The following TMEM135 variants were observed in gnomAD, a reference collection of about 807,000 sequenced individuals.
The protein encoded by TMEM135 is peroxisomal membrane protein 52.
In TMEM135, 30 loss-of-function variants were observed where a neutral mutation model predicts 60.3. The observed-to-expected ratio is 0.50, with a 90% CI of 0.37 to 0.68. TMEM135 has a LOEUF of 0.68. TMEM135 is among the 30% of genes least tolerant of loss of function. TMEM135 has a pLI of 0.00. For missense variants in TMEM135, 468 were observed against 548.8 expected (o/e 0.85, Z 1.47); for synonymous variants, 190 against 186.7 (o/e 1.02, Z -0.14).
At position 87,305,936 on chromosome 11, in the gene TMEM135, A is replaced by G. The variant is rs568746924; in HGVS notation, c.699A>G (p.Ile233Met). ...TTAATTTTTTTGGGTTCAATTTCAG[A>G]TGCAAACATGGACCAAGGCATAGAT... is the stretch of plus-strand genomic sequence containing the variant. ...IGLVRKFVDS[I>M]CKHGPRHRCC... Residue 233 changes from isoleucine (I) to methionine (M), a missense_variant and splice_region_variant, in exon 9 of 15, where the codon ATA becomes ATG. Ile to Met is a conservative substitution (Grantham distance 10). Transcript: ENST00000305494. 16 of 1,603,796 alleles carry G rather than the reference A, an allele frequency of 1.0e-5. No individual in the cohort carries two copies. In the African/African-American group the frequency reaches 1.2e-4, roughly 12 times the overall value.
chr11:87,299,311 T>G (rs1020445164), intron 7 of TMEM135, among the ~76,000 whole-genome samples: 5 of 152,284 alleles, frequency 3.3e-5, no homozygotes, highest in East Asian at 1.9e-4. Flanking sequence ...GAAGCAGGCT[T>G]CTTCTTCACA....
At chr11:87,248,747 C>T (rs576497839) in intron 6 of TMEM135, among the ~76,000 whole-genome samples, 44 of 152,144 alleles carry the variant, frequency 2.9e-4, no homozygotes, top group African/African-American at 9.9e-4. Context: ...AATCTATGAA[C>T]ATGGAAATCT....
intron 6 of TMEM135, among the ~76,000 whole-genome samples, chr11:87,290,028 A>G (rs565222108): frequency 2.6e-5 from 4 of 152,050 alleles, no homozygotes; most frequent in Non-Finnish European, 5.9e-5. Context: ...CCTAGGATGT[A>G]TAGTTTGTAA....
intron 4 of TMEM135, among the ~76,000 whole-genome samples, chr11:87,150,215 C>CAAAAAAAAAA (rs200067307): frequency 7.3e-5 from 8 of 109,874 alleles, no homozygotes; most frequent in Non-Finnish European, 1.4e-4. Flanking sequence ...AACTCTGTCT[C>CAAAAAAAAAA]AAAAAAAAAA....
At chr11:87,112,642 TG>T (rs1215531773) in intron 4 of TMEM135, among the ~76,000 whole-genome samples, 1 of 152,134 alleles carries the variant, frequency 6.6e-6, no homozygotes, top group Non-Finnish European at 1.5e-5. Context: ...AAAATGTAAA[TG>T]TAAGTGGTAA....
chr11:87,209,602 A>G (rs1940315128), intron 5 of TMEM135, among the ~76,000 whole-genome samples: 2 of 152,170 alleles, frequency 1.3e-5, no homozygotes, highest in Non-Finnish European at 2.9e-5. Flanking sequence ...TAATAGTGGG[A>G]GACTTCAACA....
At chr11:87,213,009 TTCTC>T in intron 5 of TMEM135, among the ~76,000 whole-genome samples, 1 of 152,270 alleles carries the variant, frequency 6.6e-6, no homozygotes, top group South Asian at 2.1e-4. Context: ...TAACTCATCT[TTCTC>T]TGGTCTCATG....
chr11:87,208,402 A>G (rs977802281), intron 5 of TMEM135, among the ~76,000 whole-genome samples: 2 of 152,232 alleles, frequency 1.3e-5, no homozygotes, highest in African/African-American at 4.8e-5. Flanking sequence ...AAAATTCACT[A>G]CAGGAATTTC....
At chr11:87,224,254 A>T (rs1002235647) in intron 5 of TMEM135, among the ~76,000 whole-genome samples, 3 of 151,852 alleles carry the variant, frequency 2.0e-5, no homozygotes, top group Non-Finnish European at 2.9e-5. Context: ...ATATACACTT[A>T]AAAAAATGTG....
At chr11:87,053,062 G>GA (rs1307237110) in intron 1 of TMEM135, among the ~76,000 whole-genome samples, 2 of 130,002 alleles carry the variant, frequency 1.5e-5, no homozygotes, top group Non-Finnish European at 3.1e-5. Flanking sequence ...ACTATCGCAA[G>GA]AACAAAAAAC....
intron 8 of TMEM135, 108 bp from the exon 9 acceptor site, chr11:87,305,827 CT>C (rs199727648): frequency 0.039 from 15,598 of 403,718 alleles, no homozygotes; most frequent in South Asian, 0.055. Flanking sequence ...TCTTCTCTCT[CT>C]TTTTTTTTTT....
intron 4 of TMEM135, among the ~76,000 whole-genome samples, chr11:87,116,891 C>T (rs56880471): frequency 0.13 from 19,579 of 151,514 alleles, 1,350 homozygotes; most frequent in Middle Eastern, 0.15. Context: ...GGCGTGATCT[C>T]GGCTCACTGC....
chr11:87,119,590 C>G (rs1470054331), intron 4 of TMEM135, among the ~76,000 whole-genome samples: 1 of 152,186 alleles, frequency 6.6e-6, no homozygotes, highest in Non-Finnish European at 1.5e-5. Context: ...GTAATCCCAG[C>G]TACGCTAGTA....
intron 7 of TMEM135, 140 bp downstream of exon 7, chr11:87,295,963 C>T (rs1043846382): frequency 2.7e-5 from 19 of 693,770 alleles, no homozygotes; most frequent in South Asian, 2.1e-4. Flanking sequence ...TCCAAGCCTG[C>T]GGATAAATAG....
chr11:87,242,375 G>A (rs9735381), intron 6 of TMEM135, among the ~76,000 whole-genome samples: 88,515 of 139,124 alleles, frequency 0.64, 28,392 homozygotes, highest in Non-Finnish European at 0.69. Context: ...CCAGTAATGG[G>A]ATGGCTGGGT....
At position 87,243,666 on chromosome 11, in the gene TMEM135, G is replaced by C. The variant is rs1398725649; in HGVS notation, c.509+6982G>C. ...TTGGCTCTCTGTTTGTCTGTTATTT[G>C]TGTATAAGAATGCTTGTGATTTTTG... On this transcript the variant is annotated intron_variant, in intron 6 of 14. Transcript: ENST00000305494. Among the ~76,000 whole-genome samples, 5 of 80,826 alleles carry C rather than the reference G, an allele frequency of 6.2e-5. 1 individual carries two copies. Among genetic ancestry groups the C allele is most frequent in the African/African-American group, 2.3e-4 (5 of 21,556 alleles). The allele number at this position is 80,826 out of a possible 152,430, so 53.0% of individuals were successfully genotyped here. A position where few individuals can be genotyped will look rare whatever the true frequency, so the allele number is the denominator to read the frequency against.
intron 6 of TMEM135, among the ~76,000 whole-genome samples, chr11:87,247,111 G>C (rs1035907683): frequency 2.7e-5 from 4 of 150,886 alleles, no homozygotes; most frequent in East Asian, 1.9e-4. Flanking sequence ...GTTTGCTAGA[G>C]GTCCACTCCA....
At position 87,326,756 on chromosome 11, in the gene TMEM135, A is replaced by G. The variant is rs76180130; in HGVS notation, c.*5423A>G. 16,742 of 445,320 alleles carry G rather than the reference A, an allele frequency of 0.038. 403 individuals carry two copies. Among genetic ancestry groups the G allele is most frequent in the Admixed American group, 0.051 (2,066 of 40,558 alleles). 27.6% of individuals were successfully genotyped at this position (445,320 alleles called of 1,614,324 possible). On this transcript the variant is annotated 3_prime_UTR_variant, in exon 15 of 15. Transcript: ENST00000305494. The stretch of plus-strand genomic sequence containing the variant: ...AAATTGAAGGTAAATAATATCTGCA[A>G]AGCTTCAGGAAGAAATTCAGTTGCA...
At chr11:87,163,320 G>C (rs1307222109) in intron 5 of TMEM135, among the ~76,000 whole-genome samples, 3 of 144,728 alleles carry the variant, frequency 2.1e-5, no homozygotes, top group African/African-American at 7.7e-5. Flanking sequence ...AGTTTACTGA[G>C]AATGATGATT....
Sources: allele counts gnomAD v4.1 joint callset (sites outside exome capture counted in the v4.1 genomes callset), GRCh38; gene constraint gnomAD v4.1.1; transcripts MANE v1.5; gene names NCBI Gene and HGNC (gene_info 2026-07-23, HGNC 2026-07-21).